TTC39B: variants seen among roughly 807,000 people sequenced by gnomAD.
TTC39B encodes the protein tetratricopeptide repeat protein 39B.
TTC39B carries 92 observed loss-of-function variants against 96.6 expected under a neutral mutation model. The observed-to-expected ratio is 0.95, with a 90% CI of 0.80 to 1.13. TTC39B has a LOEUF of 1.13. TTC39B is among the 50% of genes most tolerant of loss of function. TTC39B has a pLI of 0.00. For synonymous variants in TTC39B, 367 were observed against 299.4 expected (o/e 1.23, Z -2.33); for missense variants, 955 against 809.3 (o/e 1.18, Z -2.18).
At chr9:15,270,862 C>A (rs1261556226) in intron 1 of TTC39B, among the ~76,000 whole-genome samples, 1 of 151,844 alleles carries the variant, frequency 6.6e-6, no homozygotes, top group Non-Finnish European at 1.5e-5. Context: ...AAAGGCCAGA[C>A]AAAAGGTGGA....
chr9:15,271,735 G>A (rs574739021), intron 1 of TTC39B, among the ~76,000 whole-genome samples: 1 of 152,284 alleles, frequency 6.6e-6, no homozygotes, highest in East Asian at 1.9e-4. Flanking sequence ...CCAGCTTTAT[G>A]TATAACCTAG....
At chr9:15,202,238 C>T (rs932372488) in intron 7 of TTC39B, among the ~76,000 whole-genome samples, 1 of 152,146 alleles carries the variant, frequency 6.6e-6, no homozygotes. Context: ...AAAACTTGGG[C>T]CTCCATGACT....
At chr9:15,185,496 C>T in intron 15 of TTC39B, 90 bp from the exon 16 acceptor site, 2 of 1,562,138 alleles carry the variant, frequency 1.3e-6, no homozygotes, top group East Asian at 2.3e-5. Context: ...ACTTCACAGA[C>T]CACCAGCAGC....
intron 1 of TTC39B, among the ~76,000 whole-genome samples, chr9:15,296,992 G>GA (rs1283600609): frequency 6.6e-6 from 1 of 151,926 alleles, no homozygotes; most frequent in Admixed American, 6.6e-5. Flanking sequence ...GTCTCTTTAA[G>GA]AAAAAAGAAA....
chr9:15,294,637 A>G (rs1451613550), intron 1 of TTC39B, among the ~76,000 whole-genome samples: 1 of 152,092 alleles, frequency 6.6e-6, no homozygotes, highest in Non-Finnish European at 1.5e-5. Context: ...CCCACTCAGG[A>G]AAGGAAAGGA....
intron 8 of TTC39B, among the ~76,000 whole-genome samples, chr9:15,199,625 C>T (rs976966866): frequency 6.7e-6 from 1 of 149,128 alleles, no homozygotes; most frequent in Non-Finnish European, 1.5e-5. Context: ...GTCCCAGCTA[C>T]TCGGGAGGAT....
chr9:15,283,403 T>C (rs1370805093), intron 1 of TTC39B, among the ~76,000 whole-genome samples: 4 of 152,272 alleles, frequency 2.6e-5, no homozygotes, highest in Non-Finnish European at 5.9e-5. Context: ...TTTGCACCTT[T>C]ATGCATTGTC....
At chr9:15,268,365 C>T (rs1216092056) in intron 1 of TTC39B, among the ~76,000 whole-genome samples, 1 of 152,098 alleles carries the variant, frequency 6.6e-6, no homozygotes, top group Non-Finnish European at 1.5e-5. Context: ...ACATATTGCA[C>T]CACCCTCTCA....
At chr9:15,303,931 G>C (rs1824679326) in intron 1 of TTC39B, among the ~76,000 whole-genome samples, 1 of 152,080 alleles carries the variant, frequency 6.6e-6, no homozygotes, top group African/African-American at 2.4e-5. Context: ...CACCACACCT[G>C]GCCTCATATG....
chr9:15,194,059 T>C (rs536853475), intron 8 of TTC39B, among the ~76,000 whole-genome samples: 1 of 152,208 alleles, frequency 6.6e-6, no homozygotes, highest in Non-Finnish European at 1.5e-5. Flanking sequence ...ACTGTATCCA[T>C]GTCAGTTTCC....
chr9:15,287,232 G>T (rs769602255), intron 1 of TTC39B, among the ~76,000 whole-genome samples: 18 of 152,174 alleles, frequency 1.2e-4, no homozygotes, highest in Non-Finnish European at 4.4e-5. Flanking sequence ...CAATAATAGC[G>T]TACATGGCTA....
At chr9:15,291,695 G>A (rs1824195160) in intron 1 of TTC39B, among the ~76,000 whole-genome samples, 1 of 152,046 alleles carries the variant, frequency 6.6e-6, no homozygotes, top group Non-Finnish European at 1.5e-5. Context: ...GCCATTACCA[G>A]TTGAACAAAA....
intron 5 of TTC39B, 36 bp from the exon 6 acceptor site, chr9:15,210,200 GAA>G: frequency 7.7e-7 from 1 of 1,301,542 alleles, no homozygotes; most frequent in Non-Finnish European, 1.1e-6. Flanking sequence ...ATAGAAAATA[GAA>G]AAAAAAAATC....
At chr9:15,188,665 T>C (rs1193866508) in intron 13 of TTC39B, among the ~76,000 whole-genome samples, 1 of 152,170 alleles carries the variant, frequency 6.6e-6, no homozygotes, top group South Asian at 2.1e-4. Context: ...AATATAAACT[T>C]AAAAATTAGA....
At chr9:15,286,151 A>C (rs140240152) in intron 1 of TTC39B, among the ~76,000 whole-genome samples, 2 of 152,322 alleles carry the variant, frequency 1.3e-5, no homozygotes, top group Non-Finnish European at 2.9e-5. Context: ...ACTACTTTAC[A>C]CTATTGCCCA....
chr9:15,171,962 G>T, exon 20 of TTC39B: 1 of 1,322,360 alleles, frequency 7.6e-7, no homozygotes, highest in South Asian at 1.3e-5. Context: ...ATATAAGGTT[G>T]AATCTATAGC....
chr9:15,280,338 C>T (rs146427395), intron 1 of TTC39B, among the ~76,000 whole-genome samples: 18 of 152,324 alleles, frequency 1.2e-4, no homozygotes, highest in African/African-American at 3.8e-4. Context: ...TTTACGCTGT[C>T]CCTTTACAGA....
At chr9:15,178,212 A>G (rs1818062635) in intron 17 of TTC39B, among the ~76,000 whole-genome samples, 1 of 152,138 alleles carries the variant, frequency 6.6e-6, no homozygotes, top group Non-Finnish European at 1.5e-5. Flanking sequence ...CAGAGGGATC[A>G]TTTACAAATA....
At chr9:15,282,236 T>C (rs1478393892) in intron 1 of TTC39B, among the ~76,000 whole-genome samples, 4 of 152,168 alleles carry the variant, frequency 2.6e-5, no homozygotes. Context: ...ATATAACTAG[T>C]ATCTCAAATT....
Sources: gnomAD v4.1 joint callset for allele counts (sites outside exome capture counted in the v4.1 genomes callset) on GRCh38, gnomAD v4.1.1 for gene constraint, MANE v1.5 for transcripts, NCBI Gene and HGNC (gene_info 2026-07-23, HGNC 2026-07-21) for gene names.